RECQL: variants seen among roughly 807,000 people sequenced by gnomAD.
RECQL encodes ATP-dependent DNA helicase Q1.
Under a neutral mutation model 75.8 loss-of-function variants are expected in RECQL, and 73 were observed. The ratio of observed to expected loss-of-function variants is 0.96; its 90% CI spans 0.80 to 1.17. The LOEUF is 1.17. RECQL is among the 50% of genes most tolerant of loss of function. The pLI is 0.00. For synonymous variants in RECQL, 248 were observed against 254.4 expected, an observed-to-expected ratio of 0.97 and a Z score of 0.24; for missense variants, 699 against 772.1, an observed-to-expected ratio of 0.91 and a Z score of 1.12.
intron 2 of RECQL, among the ~76,000 whole-genome samples, chr12:21,497,740 T>G (rs1211388393): frequency 6.6e-6 from 1 of 152,180 alleles, no homozygotes; most frequent in African/African-American, 2.4e-5. Context: ...TGACCACACT[T>G]GTCCTTGCAC....
chr12:21,489,006 C>T (rs527836805), intron 4 of RECQL, among the ~76,000 whole-genome samples: 1 of 152,276 alleles, frequency 6.6e-6, no homozygotes, highest in East Asian at 1.9e-4. Context: ...CTTCCCTGTC[C>T]CTTCTGCCTA....
chr12:21,500,171 G>A (rs1026752553), intron 1 of RECQL, among the ~76,000 whole-genome samples: 9 of 152,058 alleles, frequency 5.9e-5, no homozygotes, highest in East Asian at 3.9e-4. Flanking sequence ...GAGCCCTTGC[G>A]TTAAAGAATT....
Position 21,474,863 on chromosome 12 carries a change from A to G in RECQL, c.1333T>C (p.Ser445Pro). 6.2e-7 allele frequency: 1 copy of G among 1,612,952 alleles called. No homozygotes were observed. The highest frequency in any genetic ancestry group is 8.5e-7 in the Non-Finnish European group (1 of 1,179,046). The change falls in exon 11 of 15, where the codon TCA (serine) becomes CCA (proline). Residue 445 changes from serine to proline, a missense_variant. Ser to Pro is a moderately conservative substitution (Grantham distance 74, BLOSUM62 -1). Coordinates refer to ENST00000444129, the MANE Select transcript of RECQL (RefSeq NM_002907.4). Reference protein sequence around the residue: ...VGQQKLYEMVSYCQNISKCRR... With the variant: ...VGQQKLYEMVPYCQNISKCRR... ...TACTTGCTTATGTTTTGACAGTATGATACCATCTCATAAAGCTTCTGCTGT... is the reference window on the plus strand; with the variant it reads ...TACTTGCTTATGTTTTGACAGTATGGTACCATCTCATAAAGCTTCTGCTGT...
chr12:21,489,003 G>T (rs999453327), intron 4 of RECQL, among the ~76,000 whole-genome samples: 5 of 152,050 alleles, frequency 3.3e-5, no homozygotes, highest in Non-Finnish European at 7.3e-5. Flanking sequence ...TTCCTTCCCT[G>T]TCCCTTCTGC....
At chr12:21,471,274 T>C (rs1942953142) in intron 13 of RECQL, 154 bp downstream of exon 13, 1 of 966,554 alleles carries the variant, frequency 1.0e-6, no homozygotes, top group South Asian at 1.9e-5. Context: ...TTTTTTTATT[T>C]ATAGTGATTA....
At chr12:21,480,080 C>T (rs1039054365) in intron 6 of RECQL, among the ~76,000 whole-genome samples, 1 of 152,078 alleles carries the variant, frequency 6.6e-6, no homozygotes, top group African/African-American at 2.4e-5. Context: ...AATAAATATG[C>T]CATTAGAGAG....
intron 4 of RECQL, among the ~76,000 whole-genome samples, chr12:21,488,322 C>T (rs987034750): frequency 6.6e-6 from 1 of 152,206 alleles, no homozygotes; most frequent in South Asian, 2.1e-4. Flanking sequence ...GCTACTCTTT[C>T]TCAGCCTTGT....
chr12:21,500,859 G>C (rs754916262), intron 1 of RECQL, among the ~76,000 whole-genome samples: 1 of 152,040 alleles, frequency 6.6e-6, no homozygotes, highest in African/African-American at 2.4e-5. Context: ...TTGATTATGC[G>C]GTTAAAAGAC....
chr12:21,476,423 G>C (rs1348207167), intron 8 of RECQL, among the ~76,000 whole-genome samples: 1 of 151,978 alleles, frequency 6.6e-6, no homozygotes, highest in Non-Finnish European at 1.5e-5. Flanking sequence ...CTTTGCTTCA[G>C]TAACATTTGC....
At position 21,490,302 on chromosome 12, in the gene RECQL, A is replaced by C. The variant is rs749752647; in HGVS notation, c.291T>G (p.Leu97=). The change falls in exon 4 of 15, where the codon CTT becomes CTG. Residue 97 remains leucine, a synonymous_variant. Transcript: ENST00000444129. The part of the protein sequence containing the change: ...FKLEKFRPLQ[L]ETINVTMAGK... ...CAGCCATTGTTACGTTAATAGTTTC[A>C]AGCTGAAGTGGTCTGAACTTTTCCA... The C allele has an allele frequency of 7.4e-6, 12 of 1,612,816 alleles. No homozygotes were observed. The highest frequency in any genetic ancestry group is 1.7e-4 in the Middle Eastern group (1 of 6,058).
chr12:21,468,922 C>T lies in RECQL; in HGVS notation c.*1272G>A. 1 of 646,404 alleles carries T rather than the reference C, an allele frequency of 1.5e-6. No homozygotes were observed. Among genetic ancestry groups the T allele is most frequent in the South Asian group, 2.1e-5 (1 of 47,982 alleles). 40.0% of individuals were successfully genotyped at this position (646,404 alleles called of 1,614,324 possible). A position where few individuals can be genotyped will look rare whatever the true frequency, so the allele number is the denominator to read the frequency against. ...AAAACATAAATTCTAAGTTTGAAAT[C>T]AGTTCAAAGTTTATTTATAGATATA... On this transcript the variant is annotated 3_prime_UTR_variant, in exon 15 of 15. Transcript: ENST00000444129.
intron 2 of RECQL, among the ~76,000 whole-genome samples, chr12:21,497,678 C>T (rs1342972540): frequency 6.6e-6 from 1 of 152,198 alleles, no homozygotes; most frequent in Non-Finnish European, 1.5e-5. Context: ...TTAAAAACAA[C>T]TTCGACAAAG....
chr12:21,484,644 A>C (rs1289409836), intron 5 of RECQL, among the ~76,000 whole-genome samples: 3 of 152,174 alleles, frequency 2.0e-5, no homozygotes, highest in Admixed American at 6.5e-5. Flanking sequence ...ACTGCAAAAG[A>C]AAGCAAGGAA....
rs112975109 is a variant in RECQL, at chr12:21,501,279, C to G, written c.-155G>C. On this transcript the variant is annotated 5_prime_UTR_variant, in exon 1 of 15. Coordinates refer to ENST00000444129, the MANE Select transcript of RECQL (RefSeq NM_002907.4). ...GCAGGCGAACGTGCCCCTAAAGGCC[C>G]GAGTTCTCAGAGCAGGGCAGTGATT... The G allele has an allele frequency of 2.9e-4, 44 of 152,262 alleles. No homozygotes were observed. Among genetic ancestry groups the G allele is most frequent in the African/African-American group, 1.0e-3 (42 of 41,504 alleles). 9.4% of individuals were successfully genotyped at this position (152,262 alleles called of 1,614,324 possible). A position where few individuals can be genotyped will look rare whatever the true frequency, so the allele number is the denominator to read the frequency against.
Position 21,473,544 on chromosome 12 carries a change from A to C in RECQL, c.1447+7T>G. On this transcript the variant is annotated splice_region_variant and intron_variant, in intron 12 of 14. Transcript: ENST00000444129. ...GCCTATAAAGGTTTACAAAACAACAAACTCACCACTGTCTTTACAGCAGTT... is the reference window on the plus strand; with the variant it reads ...GCCTATAAAGGTTTACAAAACAACACACTCACCACTGTCTTTACAGCAGTT... 1 of 1,609,184 alleles carries C rather than the reference A, an allele frequency of 6.2e-7. No individual in the cohort carries two copies. Among genetic ancestry groups the C allele is most frequent in the Non-Finnish European group, 8.5e-7 (1 of 1,176,148 alleles).
chr12:21,478,956 G>T (rs773077998), intron 6 of RECQL, among the ~76,000 whole-genome samples: 1 of 152,164 alleles, frequency 6.6e-6, no homozygotes, highest in Admixed American at 6.5e-5. Context: ...CCACAGAGGC[G>T]ATAGCTACTC....
Position 21,492,538 on chromosome 12 carries a change from C to G in RECQL, c.17-822G>C, listed in dbSNP as rs574850047. ...GATGTTGGGGTACCTTTTTATTGTA[C>G]CAACTGCCATCATCCCTTGTATCAA... On this transcript the variant is annotated intron_variant, in intron 2 of 14. Coordinates refer to ENST00000444129, the MANE Select transcript of RECQL (RefSeq NM_002907.4). 7.9e-5 allele frequency among the ~76,000 whole-genome samples: 12 copies of G among 152,264 alleles called. No homozygotes were observed. In the East Asian group the frequency reaches 1.5e-3, roughly 20 times the overall value.
intron 2 of RECQL, among the ~76,000 whole-genome samples, chr12:21,498,439 G>A (rs777606866): frequency 3.3e-5 from 5 of 152,154 alleles, no homozygotes; most frequent in Non-Finnish European, 7.3e-5. Flanking sequence ...ACTCTTGCTG[G>A]CCTAGAGGTC....
chr12:21,480,441 C>G (rs768367998), intron 6 of RECQL, among the ~76,000 whole-genome samples: 1 of 152,140 alleles, frequency 6.6e-6, no homozygotes, highest in Non-Finnish European at 1.5e-5. Context: ...GAGATTCATT[C>G]TAGAGGCAGA....
Sources: allele counts gnomAD v4.1 joint callset (sites outside exome capture counted in the v4.1 genomes callset), GRCh38; gene constraint gnomAD v4.1.1; transcripts MANE v1.5; gene names NCBI Gene and HGNC (gene_info 2026-07-23, HGNC 2026-07-21).